The following XPNPEP3 variants were observed in gnomAD, a reference collection of about 807,000 sequenced individuals.
XPNPEP3 encodes the protein X-prolyl aminopeptidase 3, also known as xaa-Pro aminopeptidase 3.
XPNPEP3 carries 41 observed loss-of-function variants against 60.0 expected under a neutral mutation model. The ratio of observed to expected loss-of-function variants is 0.68; its 90% confidence interval spans 0.53 to 0.89. XPNPEP3 has a LOEUF of 0.89. Ranked by LOEUF, XPNPEP3 falls within the 40% of genes least tolerant of loss-of-function variation. XPNPEP3 has a pLI of 0.00. For synonymous variants in XPNPEP3, 212 were observed against 223.2 expected, an observed-to-expected ratio of 0.95 and a Z score of 0.45; for missense variants, 598 against 638.9, an observed-to-expected ratio of 0.94 and a Z score of 0.69.
intron 4 of XPNPEP3, among the ~76,000 whole-genome samples, chr22:40,903,065 A>G (rs2058140951): frequency 6.6e-6 from 1 of 152,206 alleles, no homozygotes; most frequent in African/African-American, 2.4e-5. Flanking sequence ...ACCCAGTACA[A>G]AGCATTGATC....
At chr22:40,908,457 A>G (rs1166705608) in intron 5 of XPNPEP3, among the ~76,000 whole-genome samples, 1 of 152,078 alleles carries the variant, frequency 6.6e-6, no homozygotes, top group East Asian at 1.9e-4. Flanking sequence ...GGTTCAGGCT[A>G]TAGTGAACTA....
intron 4 of XPNPEP3, among the ~76,000 whole-genome samples, chr22:40,887,969 T>C (rs1328369414): frequency 6.6e-6 from 1 of 152,200 alleles, no homozygotes; most frequent in Non-Finnish European, 1.5e-5. Context: ...ATAAAATATA[T>C]CATTTTAACC....
At chr22:40,881,468 A>G (rs2058047854) in intron 2 of XPNPEP3, among the ~76,000 whole-genome samples, 1 of 152,066 alleles carries the variant, frequency 6.6e-6, no homozygotes, top group Non-Finnish European at 1.5e-5. Flanking sequence ...AAAAAAAAAA[A>G]AAAATTATAT....
At chr22:40,896,233 A>G (rs1158331983) in intron 4 of XPNPEP3, among the ~76,000 whole-genome samples, 4 of 152,080 alleles carry the variant, frequency 2.6e-5, no homozygotes, top group African/African-American at 9.7e-5. Flanking sequence ...ACAGGGTTTC[A>G]CCATGTTGGC....
chr22:40,870,744 C>T (rs1026263121), intron 2 of XPNPEP3, among the ~76,000 whole-genome samples: 3 of 152,092 alleles, frequency 2.0e-5, no homozygotes, highest in Admixed American at 6.5e-5. Flanking sequence ...AGGGGCCGGG[C>T]GCAGTGGCTC....
chr22:40,873,762 A>G (rs967383335), intron 2 of XPNPEP3, among the ~76,000 whole-genome samples: 3 of 152,230 alleles, frequency 2.0e-5, no homozygotes, highest in Non-Finnish European at 4.4e-5. Context: ...GTGCCACTCC[A>G]CTTCAGCCTA....
In XPNPEP3 at chr22:40,869,585, T is replaced by C. The variant is rs1052002768; in HGVS notation, c.181+470T>C. 2.6e-5 allele frequency among the ~76,000 whole-genome samples: 4 copies of C among 152,330 alleles called. No individual in the cohort carries two copies. In the South Asian group the frequency reaches 8.3e-4, roughly 32 times the overall value. The stretch of plus-strand genomic sequence containing the variant: ...AATTATAACCTATTTCTATATAGAT[T>C]AAGCAAGATTTCCAGATTTGTTTGT... On this transcript the variant is annotated intron_variant, in intron 2 of 9. Coordinates refer to ENST00000357137, the MANE Select transcript of XPNPEP3 (RefSeq NM_022098.4).
At chr22:40,873,373 G>T (rs1601493739) in intron 2 of XPNPEP3, among the ~76,000 whole-genome samples, 1 of 151,420 alleles carries the variant, frequency 6.6e-6, no homozygotes, top group South Asian at 2.1e-4. Context: ...AAAGTGCTGG[G>T]ATTACATGCG....
In XPNPEP3 at chr22:40,920,048, C is replaced by T. The variant is rs543758540; in HGVS notation, c.1056-2285C>T. ...TCAAAATAATCACAATAGCATTTGC[C>T]TCGGAAAGTAGGGATATTGATTAGA... On this transcript the variant is annotated intron_variant, in intron 7 of 9. Coordinates refer to ENST00000357137, the MANE Select transcript of XPNPEP3 (RefSeq NM_022098.4). Among the ~76,000 whole-genome samples, 4 of 152,112 alleles carry T rather than the reference C, an allele frequency of 2.6e-5. No homozygotes were observed. The South Asian group carries it at 6.2e-4, about 24-fold the overall frequency.
chr22:40,896,281 G>A (rs1213292371), intron 4 of XPNPEP3, among the ~76,000 whole-genome samples: 2 of 152,014 alleles, frequency 1.3e-5, no homozygotes, highest in Admixed American at 6.5e-5. Context: ...TGCCCACCTC[G>A]GCCTCCCAAA....
intron 1 of XPNPEP3, chr22:40,861,580 A>C: frequency 1.2e-6 from 2 of 1,613,402 alleles, no homozygotes. Context: ...CTGGCAGTGG[A>C]GAAAAAGTAT....
At chr22:40,905,045 C>A (rs1240290048) in intron 4 of XPNPEP3, among the ~76,000 whole-genome samples, 1 of 151,064 alleles carries the variant, frequency 6.6e-6, no homozygotes, top group African/African-American at 2.4e-5. Flanking sequence ...GGATTACAGG[C>A]GTGAGCCACC....
At chr22:40,882,290 T>C in intron 3 of XPNPEP3, 113 bp downstream of exon 3, 1 of 1,139,748 alleles carries the variant, frequency 8.8e-7, no homozygotes, top group African/African-American at 1.6e-5. Flanking sequence ...GAAAAGACCA[T>C]GAGCACCATG....
rs1369438178 is a variant in XPNPEP3 at position 40,886,337 on chromosome 22, A to G, written c.614A>G (p.Asp205Gly). Residue 205 changes from aspartate to glycine, a missense_variant, in exon 4 of 10, where the codon GAC (aspartate) becomes GGC (glycine). Coordinates refer to ENST00000357137, the MANE Select transcript of XPNPEP3 (RefSeq NM_022098.4). ...MKAETNMVWY[D>G]WMRPSHAQLH... ...GCTGAGACGAACATGGTTTGGTATGACTGGATGAGGCCCTCACATGCACAG... is the reference window on the plus strand; with the variant it reads ...GCTGAGACGAACATGGTTTGGTATGGCTGGATGAGGCCCTCACATGCACAG... 1.2e-6 allele frequency: 2 copies of G among 1,614,044 alleles called. No individual in the cohort carries two copies. Among genetic ancestry groups the G allele is most frequent in the Non-Finnish European group, 1.7e-6 (2 of 1,180,008 alleles).
At chr22:40,919,884 G>A (rs1483290933) in intron 7 of XPNPEP3, among the ~76,000 whole-genome samples, 1 of 152,124 alleles carries the variant, frequency 6.6e-6, no homozygotes, top group African/African-American at 2.4e-5. Context: ...ACTGATTGAA[G>A]CACCACCATG....
In XPNPEP3 at chr22:40,932,304, C is replaced by T. The variant is rs977056528; in HGVS notation, c.*5869C>T. On this transcript the variant is annotated 3_prime_UTR_variant, in exon 10 of 10. Transcript: ENST00000357137. ...CACAGACAGTAGCAACATAAAGGAA[C>T]CTGCTTAGAAGAGGTTTTTATGGTG... 6.6e-6 allele frequency: 1 copy of T among 151,742 alleles called. No individual in the cohort carries two copies. The highest frequency in any genetic ancestry group is 2.4e-5 in the African/African-American group (1 of 41,318). 9.4% of individuals were successfully genotyped at this position (151,742 alleles called of 1,614,324 possible).
chr22:40,857,602 C>G (rs1474083893), intron 1 of XPNPEP3, among the ~76,000 whole-genome samples: 4 of 152,242 alleles, frequency 2.6e-5, no homozygotes, highest in Admixed American at 2.0e-4. Flanking sequence ...TGAGAGCTTG[C>G]TCCAGAATAT....
chr22:40,879,756 T>A (rs528937926), intron 2 of XPNPEP3, among the ~76,000 whole-genome samples: 1 of 152,236 alleles, frequency 6.6e-6, no homozygotes, highest in South Asian at 2.1e-4. Flanking sequence ...GCAGGAGAAT[T>A]GCTTGAACCG....
intron 1 of XPNPEP3, among the ~76,000 whole-genome samples, chr22:40,868,630 G>T (rs946584900): frequency 6.6e-6 from 1 of 152,042 alleles, no homozygotes; most frequent in Non-Finnish European, 1.5e-5. Context: ...CGAGGTGGGC[G>T]GATCACTTGA....
Sources: gnomAD v4.1 joint callset for allele counts (sites outside exome capture counted in the v4.1 genomes callset) on GRCh38, gnomAD v4.1.1 for gene constraint, MANE v1.5 for transcripts, NCBI Gene and HGNC (gene_info 2026-07-23, HGNC 2026-07-21) for gene names.